The following ITGA3 variants were observed in gnomAD, a reference collection of about 807,000 sequenced individuals.
ITGA3 encodes the protein integrin subunit alpha 3, also known as integrin alpha-3.
A neutral mutation model predicts 131.1 loss-of-function variants in ITGA3; 70 were observed. That is an observed-to-expected ratio of 0.53 (90% CI 0.44 to 0.65). The LOEUF (loss-of-function observed/expected upper bound fraction) is 0.65, where lower values mean the gene tolerates loss of function less well. Ranked by LOEUF, ITGA3 falls within the 30% of genes least tolerant of loss-of-function variation. The pLI is 0.00. For missense variants in ITGA3, 1,098 were observed against 1,388.6 expected, an observed-to-expected ratio of 0.79 and a Z score of 3.33; for synonymous variants, 537 against 571.6, an observed-to-expected ratio of 0.94 and a Z score of 0.86.
At chr17:50,061,619 C>A (rs942874992) in intron 1 of ITGA3, among the ~76,000 whole-genome samples, 28 of 152,130 alleles carry the variant, frequency 1.8e-4, no homozygotes, top group African/African-American at 6.3e-4. Context: ...CCACCCTGAC[C>A]CCAGTGATCA....
At position 50,071,439 on chromosome 17, in the gene ITGA3, A is replaced by C. The variant is rs761225872; in HGVS notation, c.880A>C (p.Arg294=). Residue 294 remains arginine, a synonymous_variant, in exon 6 of 26, where the codon AGG becomes CGG. Transcript: ENST00000320031. ...LSQEAGGDLR[R]RQVLEGSQVG... Reference sequence around the variant, plus strand: ...CCAGGAGGCAGGCGGAGACCTGCGGAGGAGGCAGGTGCTGGAGGGCTCGCA... The same window carrying C: ...CCAGGAGGCAGGCGGAGACCTGCGGCGGAGGCAGGTGCTGGAGGGCTCGCA... 1 of 1,614,014 alleles carries C rather than the reference A, an allele frequency of 6.2e-7. No individual in the cohort carries two copies.
intron 19 of ITGA3, 57 bp from the exon 20 acceptor site, chr17:50,079,019 G>T: frequency 6.4e-7 from 1 of 1,559,186 alleles, no homozygotes; most frequent in Admixed American, 1.7e-5. Flanking sequence ...TTGGGGGTTG[G>T]TAAGATGGAG....
chr17:50,076,650 T>A lies in ITGA3; in HGVS notation c.1891T>A (p.Phe631Ile). 1 of 1,613,562 alleles carries A rather than the reference T, an allele frequency of 6.2e-7. No homozygotes were observed. Among genetic ancestry groups the A allele is most frequent in the Non-Finnish European group, 8.5e-7 (1 of 1,179,874 alleles). The change falls in exon 14 of 26, where the codon TTC becomes ATC. Residue 631 changes from phenylalanine to isoleucine, a missense_variant. This residue lies in a region of ITGA3 where 699 missense variants were observed against 829.2 expected (regional missense o/e 0.84). Coordinates refer to ENST00000320031, the MANE Select transcript of ITGA3 (RefSeq NM_002204.4). ...CESNLQMRAA[F>I]VSEQQQKLSR... ...GAGCAACTTGCAGATGCGGGCAGCC[T>A]TCGTGTCAGAGCAGCAGCAGAAGCT... is the stretch of plus-strand genomic sequence containing the variant.
At position 50,089,453 on chromosome 17, in the gene ITGA3, G is replaced by A. The variant is rs1163204773; in HGVS notation, c.*375G>A. 3.3e-6 allele frequency: 2 copies of A among 599,114 alleles called. No homozygotes were observed. Among genetic ancestry groups the A allele is most frequent in the East Asian group, 2.8e-5 (1 of 36,012 alleles). 37.1% of individuals were successfully genotyped at this position (599,114 alleles called of 1,614,324 possible). On this transcript the variant is annotated 3_prime_UTR_variant, in exon 26 of 26. Transcript: ENST00000320031. ...GGGATCTTCCCACAGGAGGGCCAGC[G>A]CTGTGGACCTTACAACGCCGAGTGC...
chr17:50,082,768 A>C (rs746619615), intron 23 of ITGA3, among the ~76,000 whole-genome samples: 4 of 152,240 alleles, frequency 2.6e-5, no homozygotes, highest in Non-Finnish European at 5.9e-5. Flanking sequence ...AAAGTGATAG[A>C]GCATCTGGGA....
chr17:50,072,300 T>C (rs777078098), intron 7 of ITGA3, 118 bp downstream of exon 7: 15 of 918,574 alleles, frequency 1.6e-5, no homozygotes, highest in Non-Finnish European at 2.5e-5. Context: ...TGAGACAGGA[T>C]GGGGCCGGAC....
intron 21 of ITGA3, 38 bp downstream of exon 21, chr17:50,079,595 A>G (rs750835742): frequency 4.1e-6 from 6 of 1,479,208 alleles, no homozygotes; most frequent in Non-Finnish European, 5.4e-6. Flanking sequence ...GATTGCATCC[A>G]CCCCATCACA....
intron 1 of ITGA3, among the ~76,000 whole-genome samples, chr17:50,061,722 G>A (rs1908089393): frequency 6.6e-6 from 1 of 152,096 alleles, no homozygotes; most frequent in African/African-American, 2.4e-5. Flanking sequence ...TCTGCTCCAG[G>A]TTCCCTAACA....
chr17:50,088,149 C>T (rs1399036157), intron 24 of ITGA3, 76 bp from the exon 25 acceptor site: 1 of 1,495,778 alleles, frequency 6.7e-7, no homozygotes, highest in African/African-American at 1.4e-5. Flanking sequence ...CCCTAAAGCC[C>T]TGGTCCACGA....
chr17:50,074,106 C>G, intron 8 of ITGA3, 38 bp from the exon 9 acceptor site: 1 of 1,588,420 alleles, frequency 6.3e-7, no homozygotes, highest in Non-Finnish European at 8.6e-7. Flanking sequence ...GGGCCCTGCT[C>G]CCCAGAGCCT....
chr17:50,068,841 TA>T (rs1417415536), intron 4 of ITGA3, among the ~76,000 whole-genome samples: 13,851 of 146,332 alleles, frequency 0.095, 1,121 homozygotes, highest in East Asian at 0.31. Context: ...TTTATTTATT[TA>T]TTTATTTATT....
At position 50,064,167 on chromosome 17, in the gene ITGA3, C is replaced by T. The variant is rs549134078; in HGVS notation, c.297C>T (p.His99=). ...GAVYLCPLTA[H]KDDCERMNIT... ...TGTACCTGTGCCCACTCACTGCCCA[C>T]AAGGATGACTGTGAGCGGATGAACA... The change falls in exon 2 of 26, where the codon CAC becomes CAT. Residue 99 remains histidine, a synonymous_variant. Coordinates refer to ENST00000320031, the MANE Select transcript of ITGA3 (RefSeq NM_002204.4). The surrounding 1 kb of genome is among the most constrained non-coding windows in gnomAD (Gnocchi z 4.4). The T allele has an allele frequency of 3.1e-6, 5 of 1,610,922 alleles. No individual in the cohort carries two copies. The Admixed American group carries it at 5.0e-5, about 16-fold the overall frequency.
At chr17:50,080,505 T>TGTGTGTGTGA (rs577531446) in intron 22 of ITGA3, 130 bp downstream of exon 22, 236 of 527,102 alleles carry the variant, frequency 4.5e-4, no homozygotes, top group Middle Eastern at 1.9e-3. Context: ...TGTGTGTGTG[T>TGTGTGTGTGA]GATTTGCGTG....
At chr17:50,076,844 C>A in intron 14 of ITGA3, 130 bp from the exon 15 acceptor site, 1 of 1,207,548 alleles carries the variant, frequency 8.3e-7, no homozygotes, top group Non-Finnish European at 1.2e-6. Context: ...CCAGGTGCGA[C>A]TAGAGGACGG....
At position 50,089,198 on chromosome 17, in the gene ITGA3, C is replaced by T. The variant is rs776848685; in HGVS notation, c.*120C>T. 4 of 1,613,642 alleles carry T rather than the reference C, an allele frequency of 2.5e-6. No individual in the cohort carries two copies. The Admixed American group carries it at 6.7e-5, about 27-fold the overall frequency. On this transcript the variant is annotated 3_prime_UTR_variant, in exon 26 of 26. Coordinates refer to ENST00000320031, the MANE Select transcript of ITGA3 (RefSeq NM_002204.4). Reference sequence around the variant, plus strand: ...CGGGAGGAGGAGCGCTACCCACCTCCAGGGAGCACCCTGCCCACCAAGAAG... The same window carrying T: ...CGGGAGGAGGAGCGCTACCCACCTCTAGGGAGCACCCTGCCCACCAAGAAG...
At chr17:50,088,065 A>G (rs1466716088) in intron 24 of ITGA3, 160 bp from the exon 25 acceptor site, 1 of 1,227,468 alleles carries the variant, frequency 8.1e-7, no homozygotes, top group African/African-American at 1.5e-5. Flanking sequence ...CAAGCTGGAA[A>G]GGGGGACCCA....
At chr17:50,071,617 G>C (rs952367774) in intron 6 of ITGA3, 99 bp downstream of exon 6, 2 of 1,139,752 alleles carry the variant, frequency 1.8e-6, no homozygotes, top group East Asian at 2.6e-5. Flanking sequence ...GCAGTTGTGC[G>C]GCTGTCTGCA....
At chr17:50,075,407 C>G (rs933370828) in intron 10 of ITGA3, 52 bp from the exon 11 acceptor site, 1 of 1,582,296 alleles carries the variant, frequency 6.3e-7, no homozygotes, top group Non-Finnish European at 8.7e-7. Context: ...GAGCTAGGGC[C>G]TGGACGTGTG....
rs1475102602 is a variant in ITGA3 at position 50,070,830 on chromosome 17, C to T, written c.665-14C>T. ...CTTATACTCCCTACTCTCCCTCCCT[C>T]AATCCCTGTGAAGGAAACAGCTACA... On this transcript the variant is annotated splice_polypyrimidine_tract_variant and intron_variant, in intron 4 of 25. Transcript: ENST00000320031. 13 of 1,586,042 alleles carry T rather than the reference C, an allele frequency of 8.2e-6. No homozygotes were observed. The highest frequency in any genetic ancestry group is 1.1e-5 in the Non-Finnish European group (13 of 1,154,692).
Sources: gnomAD v4.1 joint callset for allele counts (sites outside exome capture counted in the v4.1 genomes callset) on GRCh38, gnomAD v4.1.1 for gene constraint, gnomAD v4.1.1 regional missense constraint, Gnocchi (gnomAD v3.1) non-coding constraint, MANE v1.5 for transcripts, NCBI Gene and HGNC (gene_info 2026-07-23, HGNC 2026-07-21) for gene names.